The following LINGO2 variants were observed in gnomAD, a reference collection of about 807,000 sequenced individuals.
The protein encoded by LINGO2 is leucine-rich repeat and immunoglobulin-like domain-containing nogo receptor-interacting protein 2.
In LINGO2, 14 loss-of-function variants were observed where a neutral mutation model predicts 30.6. The observed-to-expected ratio is 0.46, with a 90% CI of 0.30 to 0.72. The LOEUF is 0.72. LINGO2 is among the 30% of genes least tolerant of loss of function. The pLI, the probability that LINGO2 is intolerant of heterozygous loss-of-function variation, is 0.07. For synonymous variants in LINGO2, 317 were observed against 288.5 expected, an observed-to-expected ratio of 1.10 and a Z score of -1.00; for missense variants, 729 against 751.7, an observed-to-expected ratio of 0.97 and a Z score of 0.35.
At chr9:29,163,842 A>C in the LINGO2 span, among the ~76,000 whole-genome samples, 2 of 152,158 alleles carry the variant, frequency 1.3e-5, no homozygotes, top group Non-Finnish European at 2.9e-5. Context: ...GGTGAATGCA[A>C]CAGTACCTCC....
At chr9:28,514,107 G>C (rs1820524443) in intron 1 of LINGO2, among the ~76,000 whole-genome samples, 2 of 152,138 alleles carry the variant, frequency 1.3e-5, no homozygotes, top group Non-Finnish European at 2.9e-5. Context: ...TAGAAATTAT[G>C]CCCATATAAG....
intron 3 of LINGO2, among the ~76,000 whole-genome samples, chr9:28,315,350 C>T (rs1310515329): frequency 6.6e-6 from 1 of 150,454 alleles, no homozygotes. Context: ...TGCAATGAGC[C>T]AAGATTGTGC....
chr9:28,101,894 T>G (rs904758209), intron 4 of LINGO2, among the ~76,000 whole-genome samples: 1 of 152,144 alleles, frequency 6.6e-6, no homozygotes, highest in Non-Finnish European at 1.5e-5. Flanking sequence ...GATAACTCAC[T>G]TGTTTTCCCT....
chr9:28,624,655 T>C (rs1433614051), intron 1 of LINGO2, among the ~76,000 whole-genome samples: 1 of 151,764 alleles, frequency 6.6e-6, no homozygotes, highest in Non-Finnish European at 1.5e-5. Context: ...TGTCTTTTCC[T>C]GTTTTTGGTA....
At chr9:28,633,795 T>C (rs1013082903) in intron 1 of LINGO2, among the ~76,000 whole-genome samples, 2 of 152,224 alleles carry the variant, frequency 1.3e-5, no homozygotes, top group Non-Finnish European at 2.9e-5. Context: ...TGTAGTGTAG[T>C]ACCAGGCAGC....
the LINGO2 span, among the ~76,000 whole-genome samples, chr9:29,172,674 C>T: frequency 6.6e-6 from 1 of 151,898 alleles, no homozygotes; most frequent in Admixed American, 6.6e-5. Flanking sequence ...TGACAGAGAA[C>T]ATATAGTTGA....
chr9:29,059,444 A>T, the LINGO2 span, among the ~76,000 whole-genome samples: 12 of 149,734 alleles, frequency 8.0e-5, no homozygotes, highest in African/African-American at 2.2e-4. Flanking sequence ...AATAAATAAA[A>T]AAGAACTAAG....
chr9:28,435,512 G>A (rs534415819), intron 2 of LINGO2, among the ~76,000 whole-genome samples: 1 of 152,234 alleles, frequency 6.6e-6, no homozygotes, highest in African/African-American at 2.4e-5. Flanking sequence ...TGGACTGTGA[G>A]GTTTGATGCC....
At chr9:28,900,278 C>G in the LINGO2 span, among the ~76,000 whole-genome samples, 136,095 of 151,976 alleles carry the variant, frequency 0.9, 61,219 homozygotes, top group Non-Finnish European at 0.94. Context: ...AGTAAATCCT[C>G]GTATCAGGCC....
the LINGO2 span, among the ~76,000 whole-genome samples, chr9:28,912,535 GC>G: frequency 1.3e-5 from 2 of 152,046 alleles, no homozygotes; most frequent in African/African-American, 4.8e-5. Context: ...TGTGACAGTT[GC>G]CCATAGGAGA....
chr9:28,229,270 A>G (rs1258149751), intron 4 of LINGO2, among the ~76,000 whole-genome samples: 3 of 151,874 alleles, frequency 2.0e-5, no homozygotes, highest in Non-Finnish European at 4.4e-5. Context: ...AAGGAATGTT[A>G]AAGAGATAAC....
chr9:28,201,571 T>C (rs1820236356), intron 4 of LINGO2, among the ~76,000 whole-genome samples: 1 of 151,220 alleles, frequency 6.6e-6, no homozygotes, highest in South Asian at 2.1e-4. Context: ...CAGCAAGATT[T>C]ATAGTCCTTT....
chr9:28,331,332 T>G (rs939780830), intron 3 of LINGO2, among the ~76,000 whole-genome samples: 2 of 152,064 alleles, frequency 1.3e-5, no homozygotes, highest in African/African-American at 4.8e-5. Flanking sequence ...AACTTAAATC[T>G]CCATAACCTT....
the LINGO2 span, among the ~76,000 whole-genome samples, chr9:29,178,635 C>T: frequency 2.0e-4 from 31 of 152,092 alleles, 1 homozygote; most frequent in South Asian, 6.0e-3. Flanking sequence ...ATGAACTATA[C>T]GAGACACTTT....
the LINGO2 span, among the ~76,000 whole-genome samples, chr9:29,195,868 A>G: frequency 6.6e-6 from 1 of 152,128 alleles, no homozygotes; most frequent in Non-Finnish European, 1.5e-5. Flanking sequence ...TTACCTCAAC[A>G]GACACTTATA....
At chr9:28,088,972 C>T (rs1412845164) in intron 4 of LINGO2, among the ~76,000 whole-genome samples, 6 of 152,060 alleles carry the variant, frequency 3.9e-5, no homozygotes, top group Middle Eastern at 3.2e-3. Context: ...CAAAGAAGGC[C>T]ATTACATAAT....
chr9:29,188,037 T>TTTA, the LINGO2 span, among the ~76,000 whole-genome samples: 4 of 123,612 alleles, frequency 3.2e-5, no homozygotes, highest in South Asian at 2.5e-4. Flanking sequence ...TTTTTTTTTT[T>TTTA]ATTGATCATT....
At chr9:28,319,061 A>T (rs1038083898) in intron 3 of LINGO2, among the ~76,000 whole-genome samples, 5 of 152,166 alleles carry the variant, frequency 3.3e-5, no homozygotes, top group Non-Finnish European at 7.4e-5. Context: ...GTCAGTGACA[A>T]TTTATGTATT....
At chr9:28,901,527 A>T in the LINGO2 span, among the ~76,000 whole-genome samples, 17 of 152,172 alleles carry the variant, frequency 1.1e-4, no homozygotes, top group Admixed American at 9.2e-4. Context: ...GATACAAATT[A>T]AAAAAAGATG....
Sources: allele counts gnomAD v4.1 joint callset (sites outside exome capture counted in the v4.1 genomes callset), GRCh38; gene constraint gnomAD v4.1.1; transcripts MANE v1.5; gene names NCBI Gene and HGNC (gene_info 2026-07-23, HGNC 2026-07-21).